MMS22L: variants seen among roughly 807,000 people sequenced by gnomAD.
MMS22L encodes protein MMS22-like.
Under a neutral mutation model 159.1 loss-of-function variants are expected in MMS22L, and 74 were observed. The observed-to-expected ratio is 0.47, with a 90% CI of 0.39 to 0.56. The LOEUF (loss-of-function observed/expected upper bound fraction) is 0.56. Ranked by LOEUF, MMS22L falls within the 20% of genes least tolerant of loss-of-function variation. MMS22L has a pLI of 0.00. For missense variants in MMS22L, 1,351 were observed against 1,422.1 expected (o/e 0.95, Z 0.80); for synonymous variants, 517 against 506.9 (o/e 1.02, Z -0.27).
In MMS22L at chr6:97,144,105, C is replaced by CAAAAAAAAAAAAAAAAAAA. The variant is rs34856577; in HGVS notation, c.*2682_*2700dup. ...CTCAAAACAACAACAACAACAACAA[C>CAAAAAAAAAAAAAAAAAAA]AAAAAAAAAAAAAAAAAAAAAAAGA... On this transcript the variant is annotated 3_prime_UTR_variant, in exon 25 of 25. Transcript: ENST00000683635. 3 of 87,352 alleles carry CAAAAAAAAAAAAAAAAAAA rather than the reference C, an allele frequency of 3.4e-5. No individual in the cohort carries two copies. Among genetic ancestry groups the CAAAAAAAAAAAAAAAAAAA allele is most frequent in the East Asian group, 4.0e-4 (1 of 2,514 alleles). The allele number at this position is 87,352 out of a possible 1,614,324, so 5.4% of individuals were successfully genotyped here. A position where few individuals can be genotyped will look rare whatever the true frequency, so the allele number is the denominator to read the frequency against.
chr6:97,177,266 A>G (rs1359853035), intron 18 of MMS22L, among the ~76,000 whole-genome samples: 3 of 152,158 alleles, frequency 2.0e-5, no homozygotes, highest in African/African-American at 7.2e-5. Context: ...AACTTCTTAT[A>G]CTAAAATGCT....
chr6:97,242,164 G>A (rs1812151643), intron 11 of MMS22L, among the ~76,000 whole-genome samples: 1 of 152,088 alleles, frequency 6.6e-6, no homozygotes, highest in African/African-American at 2.4e-5. Context: ...TGGCTTTCTG[G>A]CTTGATGACC....
At chr6:97,191,863 C>CA (rs1219938926) in intron 14 of MMS22L, among the ~76,000 whole-genome samples, 1 of 152,002 alleles carries the variant, frequency 6.6e-6, no homozygotes, top group East Asian at 1.9e-4. Context: ...ATCAGAAAAA[C>CA]AAAAAATCCC....
intron 14 of MMS22L, among the ~76,000 whole-genome samples, chr6:97,213,962 A>T (rs1017750479): frequency 6.6e-6 from 1 of 152,134 alleles, no homozygotes; most frequent in East Asian, 1.9e-4. Context: ...TTAAAAAAAA[A>T]TTTTCTAGTC....
intron 11 of MMS22L, among the ~76,000 whole-genome samples, chr6:97,237,172 G>C: frequency 6.6e-6 from 1 of 152,140 alleles, no homozygotes; most frequent in East Asian, 1.9e-4. Context: ...GGAGGAGGTA[G>C]ATAAGGCAAG....
chr6:97,169,878 C>T (rs980996226), intron 19 of MMS22L, among the ~76,000 whole-genome samples: 2 of 152,042 alleles, frequency 1.3e-5, no homozygotes, highest in African/African-American at 4.8e-5. Context: ...CTATAGGGTA[C>T]CACATGGTAT....
chr6:97,275,656 G>GA (rs536933292), intron 4 of MMS22L, among the ~76,000 whole-genome samples: 33 of 151,866 alleles, frequency 2.2e-4, no homozygotes, highest in African/African-American at 2.2e-4. Flanking sequence ...AATGTCTAGA[G>GA]AAAAAAAACA....
intron 11 of MMS22L, among the ~76,000 whole-genome samples, chr6:97,239,679 T>G (rs1191405477): frequency 6.6e-6 from 1 of 152,172 alleles, no homozygotes; most frequent in African/African-American, 2.4e-5. Flanking sequence ...TATTGGAAGC[T>G]GAGGCAGGAG....
At chr6:97,263,109 G>T (rs954883500) in intron 9 of MMS22L, among the ~76,000 whole-genome samples, 1 of 151,972 alleles carries the variant, frequency 6.6e-6, no homozygotes, top group Non-Finnish European at 1.5e-5. Context: ...AAAAAGTAAG[G>T]GTTGAACCTT....
At chr6:97,255,357 C>A (rs534750713) in intron 9 of MMS22L, among the ~76,000 whole-genome samples, 1 of 152,116 alleles carries the variant, frequency 6.6e-6, no homozygotes, top group African/African-American at 2.4e-5. Context: ...AGTCATGTTC[C>A]TTTTTATATT....
rs200699948 is a variant in MMS22L at position 97,161,993 on chromosome 6, C to G, written c.3385+9G>C. 3.1e-5 allele frequency: 50 copies of G among 1,601,522 alleles called. No individual in the cohort carries two copies. The highest frequency in any genetic ancestry group is 4.3e-5 in the Non-Finnish European group (50 of 1,176,376). The stretch of plus-strand genomic sequence containing the variant: ...GAAAATGGTAACAAAAATAAGCTTA[C>G]AAACAAACCTTGTGGTTCACTGACT... On this transcript the variant is annotated intron_variant, in intron 22 of 24. Coordinates refer to ENST00000683635, the MANE Select transcript of MMS22L (RefSeq NM_001350599.2).
At chr6:97,193,162 C>G (rs1213195737) in intron 14 of MMS22L, among the ~76,000 whole-genome samples, 1 of 152,192 alleles carries the variant, frequency 6.6e-6, no homozygotes, top group East Asian at 1.9e-4. Flanking sequence ...TTTAATACTT[C>G]TGGGGAGTGC....
At position 97,231,419 on chromosome 6, in the gene MMS22L, C is replaced by T. The variant is rs372507615; in HGVS notation, c.1529+7G>A. Reference sequence around the variant, plus strand: ...TGCACACTCATGACAGAAGATACTGCATATACCTTCCTTTGACTTGTTTCC... The same window carrying T: ...TGCACACTCATGACAGAAGATACTGTATATACCTTCCTTTGACTTGTTTCC... On this transcript the variant is annotated splice_region_variant and intron_variant, in intron 13 of 24. Coordinates refer to ENST00000683635, the MANE Select transcript of MMS22L (RefSeq NM_001350599.2). 2.1e-5 allele frequency: 34 copies of T among 1,594,090 alleles called. No individual in the cohort carries two copies. Among genetic ancestry groups the T allele is most frequent in the African/African-American group, 1.7e-4 (13 of 74,556 alleles).
At chr6:97,202,037 C>T (rs1370245345) in intron 14 of MMS22L, among the ~76,000 whole-genome samples, 1 of 152,050 alleles carries the variant, frequency 6.6e-6, no homozygotes, top group Admixed American at 6.6e-5. Flanking sequence ...TGTTCACTGC[C>T]AATTAGGAGA....
intron 14 of MMS22L, among the ~76,000 whole-genome samples, chr6:97,225,717 C>G (rs933173392): frequency 6.6e-6 from 1 of 152,088 alleles, no homozygotes; most frequent in East Asian, 1.9e-4. Flanking sequence ...GGACTACAGG[C>G]ACCCGCCACC....
At chr6:97,209,651 T>C (rs1302525356) in intron 14 of MMS22L, among the ~76,000 whole-genome samples, 2 of 152,040 alleles carry the variant, frequency 1.3e-5, no homozygotes, top group East Asian at 1.9e-4. Flanking sequence ...AACTATGACA[T>C]AGTTATTATG....
rs745799532 is a variant in MMS22L at position 97,270,035 on chromosome 6, T to C, written c.607-43A>G. 4 of 1,458,992 alleles carry C rather than the reference T, an allele frequency of 2.7e-6. No homozygotes were observed. In the East Asian group the frequency reaches 9.1e-5, roughly 33 times the overall value. 90.4% of individuals were successfully genotyped at this position (1,458,992 alleles called of 1,614,324 possible). On this transcript the variant is annotated intron_variant, in intron 6 of 24. Transcript: ENST00000683635. The stretch of plus-strand genomic sequence containing the variant: ...AACTGTGATTGAGAATTCATTAATA[T>C]TTTACTAGGTATTTCATAGCATGTC...
intron 14 of MMS22L, among the ~76,000 whole-genome samples, chr6:97,211,945 T>C (rs1808423764): frequency 6.6e-6 from 1 of 152,224 alleles, no homozygotes; most frequent in African/African-American, 2.4e-5. Flanking sequence ...ATTTGCCACC[T>C]ATCATCTATA....
chr6:97,251,270 A>G (rs1813206552), intron 10 of MMS22L, among the ~76,000 whole-genome samples: 1 of 152,228 alleles, frequency 6.6e-6, no homozygotes, highest in Non-Finnish European at 1.5e-5. Flanking sequence ...TTTATCTAAG[A>G]GATAAAATAG....
Sources: gnomAD v4.1 joint callset for allele counts (sites outside exome capture counted in the v4.1 genomes callset) on GRCh38, gnomAD v4.1.1 for gene constraint, MANE v1.5 for transcripts, NCBI Gene and HGNC (gene_info 2026-07-23, HGNC 2026-07-21) for gene names.